CDK8: variants seen among roughly 807,000 people sequenced by gnomAD.
CDK8 encodes cyclin-dependent kinase 8.
In CDK8, 29 loss-of-function variants were observed where a neutral mutation model predicts 71.5. The observed-to-expected ratio is 0.41, with a 90% CI of 0.30 to 0.55. CDK8 has a LOEUF of 0.55. Among genes scored for constraint, CDK8 ranks in the 20% least tolerant of loss-of-function variants. CDK8 has a pLI of 0.37. For missense variants in CDK8, 288 were observed against 572.6 expected (o/e 0.50, Z 5.07); for synonymous variants, 161 against 192.1 (o/e 0.84, Z 1.34).
chr13:26,379,490 A>G lies in CDK8; in HGVS notation c.457-3324A>G, dbSNP rs60960963. ...TCTAGAATAAAAGAAACCTGAAATG[A>G]AAAGCAAGAGAGGGATTTTCCCCTT... On this transcript the variant is annotated intron_variant, in intron 4 of 12. Coordinates refer to ENST00000381527, the MANE Select transcript of CDK8 (RefSeq NM_001260.3). Among the ~76,000 whole-genome samples the G allele has an allele frequency of 8.5e-3, 1,289 of 152,344 alleles. 18 individuals carry two copies. The highest frequency in any genetic ancestry group is 0.028 in the African/African-American group (1,169 of 41,574).
Position 26,254,353 on chromosome 13 carries a change from G to A in CDK8, c.-289G>A, listed in dbSNP as rs1184632999. Reference sequence around the variant, plus strand: ...GCCCAGGGAGCCCGCGGGGACAAGGGCAGAGACACCGCTCCCCACCCCCAG... The same window carrying A: ...GCCCAGGGAGCCCGCGGGGACAAGGACAGAGACACCGCTCCCCACCCCCAG... On this transcript the variant is annotated 5_prime_UTR_variant, in exon 1 of 13. Coordinates refer to ENST00000381527, the MANE Select transcript of CDK8 (RefSeq NM_001260.3). The surrounding 1 kb of genome is among the most constrained non-coding windows in gnomAD (Gnocchi z 6.7). The A allele has an allele frequency of 3.3e-6, 1 of 299,798 alleles. No individual in the cohort carries two copies. The highest frequency in any genetic ancestry group is 6.3e-6 in the Non-Finnish European group (1 of 157,648). The allele number at this position is 299,798 out of a possible 1,614,324, so 18.6% of individuals were successfully genotyped here. A position where few individuals can be genotyped will look rare whatever the true frequency, so the allele number is the denominator to read the frequency against.
At chr13:26,293,360 T>TG (rs1873390926) in intron 1 of CDK8, among the ~76,000 whole-genome samples, 1 of 152,168 alleles carries the variant, frequency 6.6e-6, no homozygotes, top group African/African-American at 2.4e-5. Context: ...CGGAGCACTT[T>TG]GGGCGGCCAA....
At chr13:26,348,580 A>G (rs1034123390) in intron 2 of CDK8, among the ~76,000 whole-genome samples, 5 of 147,852 alleles carry the variant, frequency 3.4e-5, no homozygotes, top group African/African-American at 1.3e-4. Context: ...CCCGCCCTGC[A>G]CCTCCACCCC....
intron 1 of CDK8, among the ~76,000 whole-genome samples, chr13:26,332,378 G>A (rs1288583240): frequency 1.3e-5 from 2 of 151,790 alleles, no homozygotes; most frequent in Non-Finnish European, 1.5e-5. Context: ...ACAGCTACTC[G>A]GGAGGCTGAG....
At chr13:26,311,082 T>C (rs1053688693) in intron 1 of CDK8, among the ~76,000 whole-genome samples, 1 of 150,612 alleles carries the variant, frequency 6.6e-6, no homozygotes, top group South Asian at 2.1e-4. Flanking sequence ...TGGTGTCTTA[T>C]AGACTGCAGA....
chr13:26,344,946 C>T (rs1217017394), intron 2 of CDK8, among the ~76,000 whole-genome samples: 1 of 151,996 alleles, frequency 6.6e-6, no homozygotes, highest in East Asian at 1.9e-4. Context: ...GTATTAGAGG[C>T]ATTTATTATC....
intron 5 of CDK8, among the ~76,000 whole-genome samples, 185 bp from the exon 6 acceptor site, chr13:26,385,023 GTAA>G (rs1225687467): frequency 2.0e-5 from 3 of 152,194 alleles, no homozygotes; most frequent in African/African-American, 7.2e-5. Context: ...CTGGGTAACA[GTAA>G]TTTGAAGAGA....
rs1876409731 is a variant in CDK8 at position 26,404,254 on chromosome 13, G to T, written c.*173G>T. 2 of 660,262 alleles carry T rather than the reference G, an allele frequency of 3.0e-6. No homozygotes were observed. The highest frequency in any genetic ancestry group is 4.9e-6 in the Non-Finnish European group (2 of 409,760). The allele number at this position is 660,262 out of a possible 1,614,324, so 40.9% of individuals were successfully genotyped here. ...AGATTGGGGTAGTGGCTTCCAAGTT[G>T]TACCTATTTTGGAGTTAGACTTGAA... On this transcript the variant is annotated 3_prime_UTR_variant, in exon 13 of 13. Transcript: ENST00000381527.
chr13:26,321,072 A>G (rs1476916516), intron 1 of CDK8, among the ~76,000 whole-genome samples: 2 of 152,230 alleles, frequency 1.3e-5, no homozygotes, highest in African/African-American at 2.4e-5. Context: ...CCCTGTTTGC[A>G]TATATCATGC....
Position 26,254,395 on chromosome 13 carries a change from C to A in CDK8, c.-247C>A. The A allele has an allele frequency of 2.7e-6, 1 of 370,362 alleles. No individual in the cohort carries two copies. The highest frequency in any genetic ancestry group is 5.0e-6 in the Non-Finnish European group (1 of 200,406). 22.9% of individuals were successfully genotyped at this position (370,362 alleles called of 1,614,324 possible). ...CACCCCCAGCCCTCGTCCCTCGGCTCTCCTTCGCCGGGGGATCCTCCCCGT... is the reference window on the plus strand; with the variant it reads ...CACCCCCAGCCCTCGTCCCTCGGCTATCCTTCGCCGGGGGATCCTCCCCGT... On this transcript the variant is annotated 5_prime_UTR_variant, in exon 1 of 13. Transcript: ENST00000381527. This position sits in a 1 kb window ranked among gnomAD's most constrained non-coding sequence, Gnocchi z 6.7.
intron 1 of CDK8, among the ~76,000 whole-genome samples, chr13:26,261,108 T>C (rs10871234): frequency 0.39 from 60,040 of 152,124 alleles, 14,033 homozygotes; most frequent in Non-Finnish European, 0.52. Context: ...TTGATGTCAC[T>C]AAAAGGTGGC....
At chr13:26,255,193 C>T (rs551668988) in intron 1 of CDK8, among the ~76,000 whole-genome samples, 37 of 152,124 alleles carry the variant, frequency 2.4e-4, no homozygotes, top group African/African-American at 8.2e-4. Context: ...GGCTGTGATC[C>T]TTTCCCCCAC....
At chr13:26,309,952 C>T (rs1874211872) in intron 1 of CDK8, among the ~76,000 whole-genome samples, 1 of 152,074 alleles carries the variant, frequency 6.6e-6, no homozygotes, top group Admixed American at 6.5e-5. Context: ...GATGGGGTTT[C>T]ACCATGTTGG....
At chr13:26,302,112 A>C (rs1873849048) in intron 1 of CDK8, among the ~76,000 whole-genome samples, 1 of 152,202 alleles carries the variant, frequency 6.6e-6, no homozygotes, top group Admixed American at 6.5e-5. Flanking sequence ...AAAAAACACA[A>C]AACAATAAAC....
chr13:26,362,619 A>G (rs1478586693), intron 4 of CDK8, among the ~76,000 whole-genome samples: 1 of 152,124 alleles, frequency 6.6e-6, no homozygotes, highest in East Asian at 1.9e-4. Flanking sequence ...ACCTAATAAG[A>G]TGGTGTCCAT....
At chr13:26,342,398 G>A (rs1478825885) in intron 2 of CDK8, among the ~76,000 whole-genome samples, 1 of 152,146 alleles carries the variant, frequency 6.6e-6, no homozygotes, top group Admixed American at 6.5e-5. Flanking sequence ...GAATGCATGA[G>A]GGGTGACAAC....
chr13:26,283,772 C>T (rs935429904), intron 1 of CDK8, among the ~76,000 whole-genome samples: 1 of 152,020 alleles, frequency 6.6e-6, no homozygotes, highest in African/African-American at 2.4e-5. Flanking sequence ...GTGGCGTGCG[C>T]CTATAGTCCC....
At chr13:26,286,621 A>C (rs1277980186) in intron 1 of CDK8, among the ~76,000 whole-genome samples, 5 of 152,256 alleles carry the variant, frequency 3.3e-5, no homozygotes, top group African/African-American at 4.8e-5. Context: ...TTCATGACCA[A>C]GAATCCAAAA....
At chr13:26,329,108 A>T (rs549919119) in intron 1 of CDK8, among the ~76,000 whole-genome samples, 15 of 152,198 alleles carry the variant, frequency 9.9e-5, no homozygotes, top group Admixed American at 9.8e-4. Flanking sequence ...CTTCAGTCTC[A>T]GTTTTTATAC....
Sources: gnomAD v4.1 joint callset for allele counts (sites outside exome capture counted in the v4.1 genomes callset) on GRCh38, gnomAD v4.1.1 for gene constraint, Gnocchi (gnomAD v3.1) non-coding constraint, MANE v1.5 for transcripts, NCBI Gene and HGNC (gene_info 2026-07-23, HGNC 2026-07-21) for gene names.